The following MUC13 variants were observed in gnomAD, a reference collection of about 807,000 sequenced individuals.
The protein encoded by MUC13 is mucin-13.
In MUC13, 32 loss-of-function variants were observed where a neutral mutation model predicts 48.3. That is an observed-to-expected ratio of 0.66 (90% confidence interval 0.50 to 0.89). The LOEUF (loss-of-function observed/expected upper bound fraction) is 0.89. Among genes scored for constraint, MUC13 ranks in the 40% least tolerant of loss-of-function variants. MUC13 has a pLI of 0.00. For missense variants in MUC13, 571 were observed against 622.8 expected (o/e 0.92, Z 0.88); for synonymous variants, 199 against 224.9 (o/e 0.88, Z 1.03).
intron 1 of MUC13, among the ~76,000 whole-genome samples, chr3:124,929,892 CA>C (rs2107674166): frequency 6.6e-6 from 1 of 152,244 alleles, no homozygotes; most frequent in South Asian, 2.1e-4. Flanking sequence ...GGAACAAACA[CA>C]AGAAAAGCAA....
In MUC13 at chr3:124,923,570, C is replaced by T. The variant is rs772775530; in HGVS notation, c.594G>A (p.Leu198=). 1.2e-5 allele frequency: 20 copies of T among 1,613,896 alleles called. No individual in the cohort carries two copies. Among genetic ancestry groups the T allele is most frequent in the African/African-American group, 4.0e-5 (3 of 74,918 alleles). The stretch of plus-strand genomic sequence containing the variant: ...AGTTGTAGTAATACCCTTCTAAACA[C>T]AGGCAAAAACTTGTATTATGCAGCT... The part of the protein sequence containing the change: ...CVKLHNTSFC[L]CLEGYYYNSS... The change falls in exon 3 of 12, where the codon CTG becomes CTA. Residue 198 remains leucine, a synonymous_variant. Transcript: ENST00000616727.
rs747883731 is a variant in MUC13 at position 124,927,790 on chromosome 3, C to T, written c.256G>A (p.Ala86Thr). Residue 86 changes from alanine to threonine, a missense_variant, in exon 2 of 12, where the codon GCT (alanine) becomes ACT (threonine). Transcript: ENST00000616727. ...CTATGTGTACTAATTATGGGGGGAG[C>T]AGGTGTAGGAATTGTGGAGGAACTA... Reference protein sequence around the residue: ...THSSSTIPTPAPPIISTHSSS... With the variant: ...THSSSTIPTPTPPIISTHSSS... 4 of 1,612,372 alleles carry T rather than the reference C, an allele frequency of 2.5e-6. No individual in the cohort carries two copies. Among genetic ancestry groups the T allele is most frequent in the Non-Finnish European group, 3.4e-6 (4 of 1,179,506 alleles).
At chr3:124,926,256 A>G (rs1241197449) in intron 2 of MUC13, among the ~76,000 whole-genome samples, 1 of 152,204 alleles carries the variant, frequency 6.6e-6, no homozygotes, top group Admixed American at 6.5e-5. Context: ...GGGGCTTTTT[A>G]GTTCAGTCTC....
chr3:124,919,804 T>A (rs1935563293), intron 5 of MUC13, among the ~76,000 whole-genome samples: 1 of 151,944 alleles, frequency 6.6e-6, no homozygotes, highest in Admixed American at 6.6e-5. Flanking sequence ...TAGCCAGGAG[T>A]GTGATTTGGG....
chr3:124,908,692 G>A (rs1293396271), intron 10 of MUC13, among the ~76,000 whole-genome samples: 1 of 152,144 alleles, frequency 6.6e-6, no homozygotes, highest in African/African-American at 2.4e-5. Context: ...TCTGTGTAGC[G>A]ACAAAACCTG....
chr3:124,919,998 C>T (rs1319728278), intron 5 of MUC13, among the ~76,000 whole-genome samples: 1 of 152,190 alleles, frequency 6.6e-6, no homozygotes, highest in Non-Finnish European at 1.5e-5. Flanking sequence ...TGTTGCATAG[C>T]CAATCACAGA....
intron 4 of MUC13, 75 bp from the exon 5 acceptor site, chr3:124,920,364 G>GA (rs886970810): frequency 5.2e-6 from 6 of 1,163,870 alleles, no homozygotes; most frequent in African/African-American, 4.7e-5. Context: ...AAATGAGGCA[G>GA]AAAAAAATAA....
intron 2 of MUC13, among the ~76,000 whole-genome samples, chr3:124,926,587 G>A (rs1239084201): frequency 2.0e-5 from 3 of 152,178 alleles, no homozygotes; most frequent in Non-Finnish European, 4.4e-5. Context: ...GAAGTTAAGG[G>A]TAGGGAGACA....
intron 8 of MUC13, among the ~76,000 whole-genome samples, chr3:124,912,506 G>T (rs1017784332): frequency 2.1e-4 from 32 of 152,196 alleles, no homozygotes; most frequent in African/African-American, 7.7e-4. Context: ...CTTATTTGTT[G>T]CCCTGTGAGC....
chr3:124,920,600 A>T (rs750933799), intron 4 of MUC13, among the ~76,000 whole-genome samples: 17 of 152,198 alleles, frequency 1.1e-4, no homozygotes, highest in Non-Finnish European at 1.6e-4. Context: ...TCATCCCCTC[A>T]CTGGTTCCCC....
Position 124,927,990 on chromosome 3 carries a change from G to C in MUC13, c.56C>G (p.Thr19Ser). Reference sequence around the variant, plus strand: ...AGCATCAGCTGAGTTGCCTTGGTTGGTGGCTGGAGGAACAAAGATACCAAG... The same window carrying C: ...AGCATCAGCTGAGTTGCCTTGGTTGCTGGCTGGAGGAACAAAGATACCAAG... ...LLALLSVNTATNQGNSADAVT... is the reference protein window; with the variant it reads ...LLALLSVNTASNQGNSADAVT... The change falls in exon 2 of 12, where the codon ACC becomes AGC. Residue 19 changes from threonine to serine, a missense_variant. Thr to Ser is a moderately conservative substitution (Grantham distance 58, BLOSUM62 1). Transcript: ENST00000616727. 1 of 1,539,706 alleles carries C rather than the reference G, an allele frequency of 6.5e-7. No individual in the cohort carries two copies. The highest frequency in any genetic ancestry group is 8.7e-7 in the Non-Finnish European group (1 of 1,146,562).
At chr3:124,908,041 A>T in intron 11 of MUC13, 106 bp downstream of exon 11, 5 of 1,098,038 alleles carry the variant, frequency 4.6e-6, no homozygotes, top group Non-Finnish European at 6.5e-6. Context: ...GAAAAAGAAA[A>T]AGAAAGCCTG....
chr3:124,927,685 T>C lies in MUC13; in HGVS notation c.361A>G (p.Ile121Val). The change falls in exon 2 of 12, where the codon ATC becomes GTC. Residue 121 changes from isoleucine (I) to valine (V), a missense_variant. Coordinates refer to ENST00000616727, the MANE Select transcript of MUC13 (RefSeq NM_033049.4). ...CCATCATTTGGAGATGAAGCGGTGA[T>C]TATGTCAGAGGTAGCTAATGAATTT... ...NVNSLATSDI[I>V]TASSPNDGLI... 6.2e-7 allele frequency: 1 copy of C among 1,614,182 alleles called. No homozygotes were observed. Among genetic ancestry groups the C allele is most frequent in the Non-Finnish European group, 8.5e-7 (1 of 1,180,026 alleles).
At chr3:124,923,023 C>T (rs191939086) in intron 3 of MUC13, among the ~76,000 whole-genome samples, 154 of 151,170 alleles carry the variant, frequency 1.0e-3, no homozygotes, top group African/African-American at 3.6e-3. Context: ...ATCCCTAACC[C>T]CAGTGGGCAA....
At chr3:124,912,075 G>T (rs1384799273) in intron 9 of MUC13, 29 bp downstream of exon 9, 4 of 1,608,444 alleles carry the variant, frequency 2.5e-6, no homozygotes, top group Non-Finnish European at 3.4e-6. Context: ...TTAATAACTT[G>T]TTTATAATAG....
intron 2 of MUC13, among the ~76,000 whole-genome samples, chr3:124,924,215 A>G (rs1250267365): frequency 1.3e-5 from 2 of 152,258 alleles, no homozygotes; most frequent in African/African-American, 4.8e-5. Flanking sequence ...CTAAGAGGCC[A>G]TGAGAAGACA....
At position 124,933,007 on chromosome 3, in the gene MUC13, C is replaced by T. The variant is rs113301772; in HGVS notation, c.52+1654G>A. On this transcript the variant is annotated intron_variant, in intron 1 of 11. Transcript: ENST00000616727. ...AGTCAAGCCTTTTTTAACAGTGGCT[C>T]CTGAAAGTCATACAAGCCTCACCAA... Among the ~76,000 whole-genome samples, 641 of 152,226 alleles carry T rather than the reference C, an allele frequency of 4.2e-3. 5 individuals carry two copies. The highest frequency in any genetic ancestry group is 0.015 in the African/African-American group (618 of 41,538).
At position 124,908,224 on chromosome 3, in the gene MUC13, T is replaced by C. The variant is rs1483780475; in HGVS notation, c.1462A>G (p.Arg488Gly). ...GAEGSVFPKV[R>G]ITASRDSQMQ... Reference sequence around the variant, plus strand: ...TGGCTGTCTCTGGAGGCCGTTATCCTGACCTTAGGAAAGACGCTCCCTTCT... The same window carrying C: ...TGGCTGTCTCTGGAGGCCGTTATCCCGACCTTAGGAAAGACGCTCCCTTCT... Residue 488 changes from arginine (R) to glycine (G), a missense_variant, in exon 11 of 12, where the codon AGG (arginine) becomes GGG (glycine). Coordinates refer to ENST00000616727, the MANE Select transcript of MUC13 (RefSeq NM_033049.4). The C allele has an allele frequency of 2.5e-6, 4 of 1,614,070 alleles. No homozygotes were observed. The highest frequency in any genetic ancestry group is 1.7e-5 in the Admixed American group (1 of 59,998).
chr3:124,934,440 G>A (rs1323381769), intron 1 of MUC13, among the ~76,000 whole-genome samples: 8 of 152,266 alleles, frequency 5.3e-5, no homozygotes, highest in African/African-American at 1.9e-4. Context: ...GATTACAGGC[G>A]TGAGCCACCG....
Sources: gnomAD v4.1 joint callset for allele counts (sites outside exome capture counted in the v4.1 genomes callset) on GRCh38, gnomAD v4.1.1 for gene constraint, MANE v1.5 for transcripts, NCBI Gene and HGNC (gene_info 2026-07-23, HGNC 2026-07-21) for gene names.